Variants in FUT1 observed in about 807,000 individuals in gnomAD.
The protein encoded by FUT1 is galactoside alpha-(1,2)-fucosyltransferase 1.
For synonymous variants in FUT1, 215 were observed against 208.7 expected (o/e 1.03, Z -0.26); for missense variants, 476 against 492.7 (o/e 0.97, Z 0.32).
chr19:48,749,890 G>A lies in FUT1; in HGVS notation c.*294C>T, dbSNP rs1414889554. ...ACCAGAGGGAGAGTTCCCCATTCCT[G>A]GGGGCAGCCATCTGGAAGTACTGTA... On this transcript the variant is annotated 3_prime_UTR_variant, in exon 2 of 2. Transcript: ENST00000645652. 1 of 457,348 alleles carries A rather than the reference G, an allele frequency of 2.2e-6. No individual in the cohort carries two copies. Among genetic ancestry groups the A allele is most frequent in the East Asian group, 4.3e-5 (1 of 23,010 alleles). The allele number at this position is 457,348 out of a possible 1,614,324, so 28.3% of individuals were successfully genotyped here.
chr19:48,752,991 T>C (rs2034028077), upstream of FUT1: 11 of 771,842 alleles, frequency 1.4e-5, no homozygotes, highest in Non-Finnish European at 1.6e-5. This position sits in a 1 kb window ranked among gnomAD's most constrained non-coding sequence, Gnocchi z 4.3. Flanking sequence ...CCCTCTCTCT[T>C]CCGGTGCCAG....
chr19:48,751,678 G>A lies in FUT1; in HGVS notation c.-2-395C>T, dbSNP rs149765789. Among the ~76,000 whole-genome samples the A allele has an allele frequency of 3.3e-3, 499 of 151,878 alleles. 4 individuals are homozygous for A. The highest frequency in any genetic ancestry group is 0.011 in the African/African-American group (459 of 41,434). On this transcript the variant is annotated intron_variant, in intron 1 of 1. Coordinates refer to ENST00000645652, the MANE Select transcript of FUT1 (RefSeq NM_001384359.1). ...AAAATTAGCTTGGCATGGGCCAGGCGCGGTGGCTCACACCTGTAACCCCAG... is the reference window on the plus strand; with the variant it reads ...AAAATTAGCTTGGCATGGGCCAGGCACGGTGGCTCACACCTGTAACCCCAG...
chr19:48,751,698 C>A (rs8103840), intron 1 of FUT1, among the ~76,000 whole-genome samples: 1 of 151,804 alleles, frequency 6.6e-6, no homozygotes, highest in Non-Finnish European at 1.5e-5. Context: ...ACACCTGTAA[C>A]CCCAGCACTT....
At position 48,750,600 on chromosome 19, in the gene FUT1, T is replaced by A; in HGVS notation, c.682A>T (p.Met228Leu). ...HVRRGDYLQV[M>L]PQRWKGVVGD... ...ACCACACCCTTCCAGCGCTGAGGCA[T>A]AACCTGCAGATAGTCCCCACGGCGC... Residue 228 changes from methionine (M) to leucine (L), a missense_variant, in exon 2 of 2, where the codon ATG becomes TTG. Physicochemically the swap from Met to Leu is conservative, Grantham distance 15 (BLOSUM62 2). Transcript: ENST00000645652. 6.2e-7 allele frequency: 1 copy of A among 1,611,402 alleles called. No homozygotes were observed. Among genetic ancestry groups the A allele is most frequent in the Non-Finnish European group, 8.5e-7 (1 of 1,179,972 alleles).
In FUT1 at chr19:48,750,811, C is replaced by T. The variant is rs1440370652; in HGVS notation, c.471G>A (p.Leu157=). The T allele has an allele frequency of 1.9e-6, 3 of 1,613,832 alleles. No homozygotes were observed. Among genetic ancestry groups the T allele is most frequent in the Non-Finnish European group, 2.5e-6 (3 of 1,180,002 alleles). ...HDWMSEEYAD[L]RDPFLKLSGF... ...CAGAGAGCTTCAGGAAAGGATCTCTCAAGTCCGCGTACTCCTCCGACATCC... is the reference window on the plus strand; with the variant it reads ...CAGAGAGCTTCAGGAAAGGATCTCTTAAGTCCGCGTACTCCTCCGACATCC... Residue 157 remains leucine (L), a synonymous_variant, in exon 2 of 2, where the codon TTG becomes TTA. Coordinates refer to ENST00000645652, the MANE Select transcript of FUT1 (RefSeq NM_001384359.1).
At position 48,752,221 on chromosome 19, in the gene FUT1, A is replaced by G. The variant is rs2034016253; in HGVS notation, c.-3+269T>C. Among the ~76,000 whole-genome samples, 1 of 151,536 alleles carries G rather than the reference A, an allele frequency of 6.6e-6. No individual in the cohort carries two copies. Among genetic ancestry groups the G allele is most frequent in the African/African-American group, 2.4e-5 (1 of 41,246 alleles). On this transcript the variant is annotated intron_variant, in intron 1 of 1. Transcript: ENST00000645652. The surrounding 1 kb of genome is among the most constrained non-coding windows in gnomAD (Gnocchi z 4.3). Reference sequence around the variant, plus strand: ...TCCGCTGATACTGGACTCTTCCACCAGCCTGTTTCTCAGGAGTACCTGTCT... The same window carrying G: ...TCCGCTGATACTGGACTCTTCCACCGGCCTGTTTCTCAGGAGTACCTGTCT...
chr19:48,750,851 A>G lies in FUT1; in HGVS notation c.431T>C (p.Leu144Pro). The change falls in exon 2 of 2, where the codon CTG (leucine) becomes CCG (proline). Residue 144 changes from leucine to proline, a missense_variant. Leu to Pro is a moderately conservative substitution (Grantham distance 98). Transcript: ENST00000645652. ...EVDSRTPWRE[L>P]QLHDWMSEEY... is the part of the protein sequence containing the mutation. ...CTCCGACATCCAGTCGTGAAGCTGC[A>G]GCTCCCGCCACGGCGTGCGGCTGTC... 4.3e-6 allele frequency: 7 copies of G among 1,613,612 alleles called. No homozygotes were observed. The highest frequency in any genetic ancestry group is 5.9e-6 in the Non-Finnish European group (7 of 1,179,902).
rs1386573492 is a variant in FUT1, at chr19:48,750,568, G to A, written c.714C>T (p.Asp238=). The A allele has an allele frequency of 6.2e-7, 1 of 1,611,882 alleles. No individual in the cohort carries two copies. The highest frequency in any genetic ancestry group is 8.5e-7 in the Non-Finnish European group (1 of 1,180,014). ...CCATGGCCTGCCGGAGGTAGGCGCT[G>A]TCGCCCACCACACCCTTCCAGCGCT... The part of the protein sequence containing the change: ...MPQRWKGVVG[D]SAYLRQAMDW... Residue 238 remains aspartate (D), a synonymous_variant, in exon 2 of 2, where the codon GAC becomes GAT. Transcript: ENST00000645652.
chr19:48,754,560 C>T (rs752856776), upstream of FUT1, among the ~76,000 whole-genome samples: 2 of 152,146 alleles, frequency 1.3e-5, no homozygotes, highest in Admixed American at 6.5e-5. Context: ...CAGTACCTGA[C>T]CCTATACCCA....
chr19:48,752,793 C>G, upstream of FUT1: 12 of 985,418 alleles, frequency 1.2e-5, no homozygotes, highest in Non-Finnish European at 1.4e-5. This position sits in a 1 kb window ranked among gnomAD's most constrained non-coding sequence, Gnocchi z 4.3. Flanking sequence ...GCGATGGCCC[C>G]TGGGCCCACC....
At position 48,750,378 on chromosome 19, in the gene FUT1, G is replaced by T. The variant is rs1429597539; in HGVS notation, c.904C>A (p.His302Asn). ...KDFALLTQCN[H>N]TIMTIGTFGF... is the part of the protein sequence containing the mutation. ...AAGGTGCCAATGGTCATAATGGTGT[G>T]GTTGCACTGTGTGAGCAGGGCAAAG... The change falls in exon 2 of 2, where the codon CAC (histidine) becomes AAC (asparagine). Residue 302 changes from histidine to asparagine, a missense_variant. Transcript: ENST00000645652. 1.1e-5 allele frequency: 18 copies of T among 1,614,260 alleles called. No individual in the cohort carries two copies. The highest frequency in any genetic ancestry group is 1.4e-5 in the Non-Finnish European group (17 of 1,180,048).
rs757943319 is a variant in FUT1 at position 48,750,158 on chromosome 19, G to T, written c.*26C>A. On this transcript the variant is annotated 3_prime_UTR_variant, in exon 2 of 2. Coordinates refer to ENST00000645652, the MANE Select transcript of FUT1 (RefSeq NM_001384359.1). ...GTACTGCTGGCTCTAGAAAGATCAGGCTACTTCAGAAAGTCTCCCTGGCTC... is the reference window on the plus strand; with the variant it reads ...GTACTGCTGGCTCTAGAAAGATCAGTCTACTTCAGAAAGTCTCCCTGGCTC... 8 of 1,599,388 alleles carry T rather than the reference G, an allele frequency of 5.0e-6. No individual in the cohort carries two copies. The African/African-American group carries it at 9.4e-5, about 19-fold the overall frequency.
chr19:48,752,469 A>G lies in FUT1; in HGVS notation c.-3+21T>C. The G allele has an allele frequency of 2.0e-6, 2 of 985,280 alleles. No individual in the cohort carries two copies. Among genetic ancestry groups the G allele is most frequent in the Non-Finnish European group, 2.4e-6 (2 of 829,830 alleles). The allele number at this position is 985,280 out of a possible 1,614,324, so 61.0% of individuals were successfully genotyped here. A position where few individuals can be genotyped will look rare whatever the true frequency, so the allele number is the denominator to read the frequency against. ...TGTTCCTGGGTCCCAGGAACAACTG[A>G]GTGGGGCAGTCCCCACTTACCCGAG... On this transcript the variant is annotated intron_variant, in intron 1 of 1. Coordinates refer to ENST00000645652, the MANE Select transcript of FUT1 (RefSeq NM_001384359.1). The surrounding 1 kb of genome is among the most constrained non-coding windows in gnomAD (Gnocchi z 4.3).
At chr19:48,752,817 G>A (rs553211501), upstream of FUT1, 125 of 985,430 alleles carry the variant, frequency 1.3e-4, 1 homozygote, top group African/African-American at 1.9e-3. This position sits in a 1 kb window ranked among gnomAD's most constrained non-coding sequence, Gnocchi z 4.3. Context: ...CCCCAGATCG[G>A]GGATGCAGGG....
At chr19:48,751,875 C>CG (rs529227926) in intron 1 of FUT1, among the ~76,000 whole-genome samples, 2 of 151,906 alleles carry the variant, frequency 1.3e-5, no homozygotes, top group South Asian at 2.1e-4. Flanking sequence ...CGCCTGAACC[C>CG]GGGGGGCGGG....
Position 48,750,547 on chromosome 19 carries a change from G to A in FUT1, c.735C>T (p.Ala245=), listed in dbSNP as rs1395921451. The change falls in exon 2 of 2, where the codon GCC becomes GCT. Residue 245 remains alanine, a synonymous_variant. Coordinates refer to ENST00000645652, the MANE Select transcript of FUT1 (RefSeq NM_001384359.1). ...VVGDSAYLRQ[A]MDWFRARHEA... ...CGTGCCGTGCCCGGAACCAGTCCAT[G>A]GCCTGCCGGAGGTAGGCGCTGTCGC... The A allele has an allele frequency of 1.2e-6, 2 of 1,612,930 alleles. No homozygotes were observed.
At chr19:48,754,553 T>C (rs894651201), upstream of FUT1, among the ~76,000 whole-genome samples, 2 of 152,220 alleles carry the variant, frequency 1.3e-5, no homozygotes, top group African/African-American at 4.8e-5. Context: ...GTCCCTTCAG[T>C]ACCTGACCCT....
In FUT1 at chr19:48,750,141, G is replaced by A; in HGVS notation, c.*43C>T. The A allele has an allele frequency of 6.3e-7, 1 of 1,591,124 alleles. No individual in the cohort carries two copies. Among genetic ancestry groups the A allele is most frequent in the Non-Finnish European group, 8.5e-7 (1 of 1,170,634 alleles). On this transcript the variant is annotated 3_prime_UTR_variant, in exon 2 of 2. Transcript: ENST00000645652. ...CAGGCCTCTGAAGCCACGTACTGCT[G>A]GCTCTAGAAAGATCAGGCTACTTCA... is the stretch of plus-strand genomic sequence containing the variant.
upstream of FUT1, among the ~76,000 whole-genome samples, chr19:48,754,779 C>G (rs574948574): frequency 2.0e-5 from 3 of 152,230 alleles, no homozygotes; most frequent in East Asian, 5.8e-4. Flanking sequence ...GTAATCCTTC[C>G]CCACAGACTG....
Sources: allele counts gnomAD v4.1 joint callset (sites outside exome capture counted in the v4.1 genomes callset), GRCh38; gene constraint gnomAD v4.1.1; non-coding constraint Gnocchi (gnomAD v3.1); transcripts MANE v1.5; gene names NCBI Gene and HGNC (gene_info 2026-07-23, HGNC 2026-07-21).